The following WAPL variants were observed in gnomAD, a reference collection of about 807,000 sequenced individuals.
WAPL encodes the protein wings apart-like protein homolog.
WAPL carries 5 observed loss-of-function variants against 121.0 expected under a neutral mutation model. The ratio of observed to expected loss-of-function variants is 0.04; its 90% CI spans 0.02 to 0.09. The LOEUF (loss-of-function observed/expected upper bound fraction) is 0.09, where lower values mean the gene tolerates loss of function less well. WAPL is among the 10% of genes least tolerant of loss of function. The pLI is 1.00. For missense variants in WAPL, 999 were observed against 1,410.8 expected (o/e 0.71, Z 4.68); for synonymous variants, 480 against 481.5 (o/e 1.00, Z 0.04).
At chr10:86,442,146 C>T (rs1849486401) in intron 17 of WAPL, among the ~76,000 whole-genome samples, 1 of 152,244 alleles carries the variant, frequency 6.6e-6, no homozygotes, top group Non-Finnish European at 1.5e-5. Flanking sequence ...ATTCTTGCGT[C>T]TCAGCCTCCC....
At chr10:86,453,165 T>C in intron 14 of WAPL, 55 bp downstream of exon 14, 2 of 1,542,824 alleles carry the variant, frequency 1.3e-6, no homozygotes, top group Non-Finnish European at 1.8e-6. Flanking sequence ...AGGTTAACAT[T>C]TTGCACACCT....
chr10:86,521,067 G>A (rs1351951786), intron 1 of WAPL, among the ~76,000 whole-genome samples: 1 of 152,188 alleles, frequency 6.6e-6, no homozygotes, highest in African/African-American at 2.4e-5. Flanking sequence ...CCTTAAGGCA[G>A]TGCAAGGCCC....
intron 9 of WAPL, among the ~76,000 whole-genome samples, chr10:86,462,125 T>G (rs1342451988): frequency 6.6e-6 from 1 of 152,206 alleles, no homozygotes; most frequent in Non-Finnish European, 1.5e-5. Context: ...GGCTGTTGTT[T>G]TTCTTTTTAA....
Position 86,472,763 on chromosome 10 carries a change from A to G in WAPL, c.1742T>C (p.Val581Ala), listed in dbSNP as rs749202105. Residue 581 changes from valine (V) to alanine (A), a missense_variant and splice_region_variant, in exon 6 of 19, where the codon GTG (valine) becomes GCG (alanine). Transcript: ENST00000298767. This position sits in a 1 kb window ranked among gnomAD's most constrained non-coding sequence, Gnocchi z 4.2. ...PPVVKPQSVT[V>A]RLSSKEPNQK... The stretch of plus-strand genomic sequence containing the variant: ...ATTTGGTTCCTTTGAAGACAGCCTC[A>G]CCTATTAATAAAGGTATTAAATTAG... 10 of 1,608,956 alleles carry G rather than the reference A, an allele frequency of 6.2e-6. No homozygotes were observed. The Admixed American group carries it at 1.7e-4, about 27-fold the overall frequency.
At chr10:86,466,477 G>C (rs1841399174) in intron 9 of WAPL, among the ~76,000 whole-genome samples, 2 of 152,108 alleles carry the variant, frequency 1.3e-5, no homozygotes, top group African/African-American at 4.8e-5. Flanking sequence ...GGCTGAGGTG[G>C]GAGGATCACT....
At chr10:86,495,396 C>T (rs967812822) in intron 4 of WAPL, among the ~76,000 whole-genome samples, 8 of 151,734 alleles carry the variant, frequency 5.3e-5, no homozygotes, top group South Asian at 2.1e-4. Flanking sequence ...AGCCCGAGGA[C>T]GTCAAGGCTG....
intron 2 of WAPL, among the ~76,000 whole-genome samples, chr10:86,506,369 C>T (rs76725188): frequency 6.6e-6 from 1 of 152,156 alleles, no homozygotes; most frequent in Non-Finnish European, 1.5e-5. Context: ...GAGTGTTCCT[C>T]TTCTAATAAT....
At chr10:86,486,005 G>A (rs1361621878) in intron 4 of WAPL, among the ~76,000 whole-genome samples, 2 of 152,204 alleles carry the variant, frequency 1.3e-5, no homozygotes, top group African/African-American at 4.8e-5. Context: ...CCCAGGAGCT[G>A]TAAGTGAATG....
chr10:86,493,939 G>A (rs1842100365), intron 4 of WAPL, among the ~76,000 whole-genome samples: 1 of 152,162 alleles, frequency 6.6e-6, no homozygotes, highest in Admixed American at 6.5e-5. Flanking sequence ...GGAGGCAGAG[G>A]CTCTAGTAAG....
At chr10:86,492,230 A>G (rs568471487) in intron 4 of WAPL, among the ~76,000 whole-genome samples, 6 of 152,184 alleles carry the variant, frequency 3.9e-5, no homozygotes, top group African/African-American at 1.4e-4. Flanking sequence ...GAAGAAGGAG[A>G]GGGGAAGAAG....
intron 8 of WAPL, among the ~76,000 whole-genome samples, chr10:86,469,900 TTTG>T (rs1363690344): frequency 6.6e-6 from 1 of 152,190 alleles, no homozygotes; most frequent in Non-Finnish European, 1.5e-5. Flanking sequence ...CTCTTTTTTG[TTTG>T]TTTTTAAGAG....
Position 86,487,752 on chromosome 10 carries a change from G to A in WAPL, c.1644+9449C>T, listed in dbSNP as rs1041658774. Among the ~76,000 whole-genome samples, 68 of 152,054 alleles carry A rather than the reference G, an allele frequency of 4.5e-4. 1 individual carries two copies. The highest frequency in any genetic ancestry group is 1.6e-4 in the Non-Finnish European group (11 of 68,004). On this transcript the variant is annotated intron_variant, in intron 4 of 18. Coordinates refer to ENST00000298767, the MANE Select transcript of WAPL (RefSeq NM_015045.5). ...AAAAAATACCAAAAAAAAATTAGCC[G>A]GGCATGGTGGTGGGCGCCTGTAGTC... is the stretch of plus-strand genomic sequence containing the variant.
intron 4 of WAPL, among the ~76,000 whole-genome samples, chr10:86,484,630 C>T (rs765118810): frequency 7.2e-5 from 11 of 152,222 alleles, no homozygotes; most frequent in Admixed American, 2.0e-4. Context: ...TAAGCTTTCA[C>T]ATTCACTCAC....
At chr10:86,454,622 G>C (rs1028694234) in intron 12 of WAPL, among the ~76,000 whole-genome samples, 3 of 152,258 alleles carry the variant, frequency 2.0e-5, no homozygotes, top group Non-Finnish European at 4.4e-5. Flanking sequence ...GCCTCCCAAA[G>C]TGCGGAGACT....
At position 86,489,452 on chromosome 10, in the gene WAPL, A is replaced by G. The variant is rs887704693; in HGVS notation, c.1644+7749T>C. ...TTTAGAAAGTACAAACTAGGTATTT[A>G]GGAGTAATGGGCATCATATCTGAAA... On this transcript the variant is annotated intron_variant, in intron 4 of 18. Coordinates refer to ENST00000298767, the MANE Select transcript of WAPL (RefSeq NM_015045.5). Among the ~76,000 whole-genome samples, 5 of 152,216 alleles carry G rather than the reference A, an allele frequency of 3.3e-5. No individual in the cohort carries two copies. In the East Asian group the frequency reaches 9.6e-4, roughly 29 times the overall value.
intron 9 of WAPL, among the ~76,000 whole-genome samples, chr10:86,461,515 TTATACATA>T (rs1841274613): frequency 6.6e-6 from 1 of 152,214 alleles, no homozygotes; most frequent in Non-Finnish European, 1.5e-5. Context: ...CAGTTTAATA[TTATACATA>T]TATATAGGTA....
chr10:86,462,612 C>T (rs144014587), intron 9 of WAPL, among the ~76,000 whole-genome samples: 305 of 148,476 alleles, frequency 2.1e-3, no homozygotes, highest in African/African-American at 7.0e-3. Flanking sequence ...TCCAGCTACT[C>T]GGGAGGCTGA....
chr10:86,471,247 G>C (rs1040898025), intron 7 of WAPL, 144 bp from the exon 8 acceptor site: 12 of 548,462 alleles, frequency 2.2e-5, no homozygotes, highest in Admixed American at 9.8e-5. Context: ...AAAAACCATA[G>C]GCAAAACACA....
At chr10:86,496,246 T>C (rs1282162248) in intron 4 of WAPL, among the ~76,000 whole-genome samples, 1 of 152,178 alleles carries the variant, frequency 6.6e-6, no homozygotes, top group African/African-American at 2.4e-5. Context: ...CACAATGAGA[T>C]ACCACTTCAC....
Sources: allele counts gnomAD v4.1 joint callset (sites outside exome capture counted in the v4.1 genomes callset), GRCh38; gene constraint gnomAD v4.1.1; non-coding constraint Gnocchi (gnomAD v3.1); transcripts MANE v1.5; gene names NCBI Gene and HGNC (gene_info 2026-07-23, HGNC 2026-07-21).